Variants in GPC6 observed in about 807,000 individuals in gnomAD.
GPC6 encodes the protein glypican-6.
Under a neutral mutation model 55.2 loss-of-function variants are expected in GPC6, and 14 were observed. The observed-to-expected ratio is 0.25, with a 90% CI of 0.17 to 0.40. GPC6 has a LOEUF of 0.40. GPC6 is among the 10% of genes least tolerant of loss of function. The pLI is 1.00. For missense variants in GPC6, 641 were observed against 708.5 expected (o/e 0.90, Z 1.08); for synonymous variants, 278 against 259.6 (o/e 1.07, Z -0.68).
intron 2 of GPC6, among the ~76,000 whole-genome samples, chr13:93,661,557 A>C (rs1468974385): frequency 6.6e-6 from 1 of 152,140 alleles, no homozygotes; most frequent in African/African-American, 2.4e-5. Flanking sequence ...TATGGGACAC[A>C]CAAAGATCTC....
intron 2 of GPC6, among the ~76,000 whole-genome samples, chr13:93,665,122 A>G (rs1452530812): frequency 6.6e-6 from 1 of 152,226 alleles, no homozygotes; most frequent in East Asian, 1.9e-4. Flanking sequence ...TATCCTAGGC[A>G]TACACGCCCA....
intron 2 of GPC6, among the ~76,000 whole-genome samples, chr13:93,624,324 G>C (rs1879100594): frequency 6.6e-6 from 1 of 152,166 alleles, no homozygotes; most frequent in Non-Finnish European, 1.5e-5. Context: ...TCACAGGAAT[G>C]AACAGATTGC....
intron 3 of GPC6, among the ~76,000 whole-genome samples, chr13:93,974,707 A>C: frequency 6.6e-6 from 1 of 152,176 alleles, no homozygotes; most frequent in East Asian, 1.9e-4. Flanking sequence ...TTAAAGGAAA[A>C]CTATGGCTGA....
At chr13:94,044,462 C>G (rs566463856) in intron 4 of GPC6, among the ~76,000 whole-genome samples, 1 of 151,898 alleles carries the variant, frequency 6.6e-6, no homozygotes, top group African/African-American at 2.4e-5. Flanking sequence ...AGAAGTTATT[C>G]CAGATCAGTT....
At chr13:93,643,991 G>A (rs1158286911) in intron 2 of GPC6, among the ~76,000 whole-genome samples, 1 of 152,014 alleles carries the variant, frequency 6.6e-6, no homozygotes, top group Non-Finnish European at 1.5e-5. Context: ...AGGCAGTAAT[G>A]ATTCTGATGT....
At chr13:93,404,689 T>C (rs1876220503) in intron 1 of GPC6, among the ~76,000 whole-genome samples, 1 of 152,170 alleles carries the variant, frequency 6.6e-6, no homozygotes, top group Admixed American at 6.5e-5. Flanking sequence ...CCCAAAATCT[T>C]TTGTCAAATT....
Position 93,830,092 on chromosome 13 carries a change from A to C in GPC6, c.320-62A>C, listed in dbSNP as rs1887425042. Reference sequence around the variant, plus strand: ...ATTAAAAGCAGTTGTACTTAAGGTAAGTGGGTGCCTTGGGCTTTCTAGATT... The same window carrying C: ...ATTAAAAGCAGTTGTACTTAAGGTACGTGGGTGCCTTGGGCTTTCTAGATT... On this transcript the variant is annotated intron_variant, in intron 2 of 8. Coordinates refer to ENST00000377047, the MANE Select transcript of GPC6 (RefSeq NM_005708.5). The C allele has an allele frequency of 3.3e-6, 4 of 1,226,084 alleles. No homozygotes were observed. In the African/African-American group the frequency reaches 6.0e-5, roughly 18 times the overall value. 76.0% of individuals were successfully genotyped at this position (1,226,084 alleles called of 1,614,324 possible). A position where few individuals can be genotyped will look rare whatever the true frequency, so the allele number is the denominator to read the frequency against.
intron 2 of GPC6, among the ~76,000 whole-genome samples, chr13:93,567,910 C>A (rs561812180): frequency 4.6e-5 from 7 of 152,186 alleles, no homozygotes; most frequent in African/African-American, 1.7e-4. Flanking sequence ...ACTCATTGTT[C>A]CTTTGGCAGT....
chr13:94,405,342 T>C lies in GPC6; in HGVS notation c.*2125T>C, dbSNP rs1167248466. 6.6e-6 allele frequency: 1 copy of C among 152,182 alleles called. No homozygotes were observed. The highest frequency in any genetic ancestry group is 1.5e-5 in the Non-Finnish European group (1 of 68,032). 9.4% of individuals were successfully genotyped at this position (152,182 alleles called of 1,614,324 possible). ...CCTACCACAAATTCCACATAAGACTTCTCTATGAAGGACCAGTCATTTACA... is the reference window on the plus strand; with the variant it reads ...CCTACCACAAATTCCACATAAGACTCCTCTATGAAGGACCAGTCATTTACA... On this transcript the variant is annotated 3_prime_UTR_variant, in exon 9 of 9. Coordinates refer to ENST00000377047, the MANE Select transcript of GPC6 (RefSeq NM_005708.5).
intron 2 of GPC6, among the ~76,000 whole-genome samples, chr13:93,738,936 TACACACACACACACACACAC>T (rs56928879): frequency 6.9e-6 from 1 of 145,572 alleles, no homozygotes; most frequent in East Asian, 2.0e-4. Flanking sequence ...CACTTGGTTT[TACACACACACACACACACAC>T]ACACACACAC....
chr13:94,268,690 T>G (rs1461653185), intron 4 of GPC6, among the ~76,000 whole-genome samples: 1 of 152,184 alleles, frequency 6.6e-6, no homozygotes, highest in Non-Finnish European at 1.5e-5. Flanking sequence ...TCTTTTCGTC[T>G]GAAAATCTGG....
chr13:93,858,500 A>G (rs1259542853), intron 3 of GPC6, among the ~76,000 whole-genome samples: 1 of 151,640 alleles, frequency 6.6e-6, no homozygotes. Flanking sequence ...GAGTGCATGT[A>G]GGGAAGAGTA....
chr13:93,468,717 A>C (rs1879002652), intron 1 of GPC6, among the ~76,000 whole-genome samples: 1 of 152,210 alleles, frequency 6.6e-6, no homozygotes, highest in Admixed American at 6.5e-5. Flanking sequence ...ATAAACTAAC[A>C]GAAGAAGGAA....
chr13:94,282,447 C>A (rs1892411487), intron 4 of GPC6, among the ~76,000 whole-genome samples: 1 of 152,140 alleles, frequency 6.6e-6, no homozygotes, highest in Non-Finnish European at 1.5e-5. Context: ...CCCCATGATT[C>A]AATTATCTCC....
intron 2 of GPC6, among the ~76,000 whole-genome samples, chr13:93,773,898 G>T (rs1429516661): frequency 6.6e-6 from 1 of 152,166 alleles, no homozygotes; most frequent in African/African-American, 2.4e-5. Context: ...TTAAGGGAGA[G>T]ATTTTATAGC....
intron 2 of GPC6, among the ~76,000 whole-genome samples, chr13:93,564,531 T>G (rs1016251998): frequency 6.6e-6 from 1 of 152,200 alleles, no homozygotes; most frequent in African/African-American, 2.4e-5. Context: ...ATTCAGTTAT[T>G]TACAAGACGC....
intron 1 of GPC6, among the ~76,000 whole-genome samples, chr13:93,334,485 C>CA (rs1364413698): frequency 6.6e-6 from 1 of 152,098 alleles, no homozygotes; most frequent in East Asian, 1.9e-4. Flanking sequence ...TTTTTTGAGA[C>CA]AGAGTCTCAC....
chr13:94,242,225 A>G (rs908031770), intron 4 of GPC6, among the ~76,000 whole-genome samples: 1 of 152,068 alleles, frequency 6.6e-6, no homozygotes, highest in Non-Finnish European at 1.5e-5. Flanking sequence ...AGCTTCATCC[A>G]TGTCCCTACA....
intron 6 of GPC6, among the ~76,000 whole-genome samples, chr13:94,317,476 T>C (rs768057750): frequency 6.6e-6 from 1 of 152,210 alleles, no homozygotes; most frequent in Non-Finnish European, 1.5e-5. Flanking sequence ...CTAATTGATC[T>C]ACTCACATAA....
Sources: gnomAD v4.1 joint callset for allele counts (sites outside exome capture counted in the v4.1 genomes callset) on GRCh38, gnomAD v4.1.1 for gene constraint, MANE v1.5 for transcripts, NCBI Gene and HGNC (gene_info 2026-07-23, HGNC 2026-07-21) for gene names.